LRRTM4: variants seen among roughly 807,000 people sequenced by gnomAD.
The protein encoded by LRRTM4 is leucine rich repeat transmembrane neuronal 4.
Under a neutral mutation model 47.6 loss-of-function variants are expected in LRRTM4, and 25 were observed. That is an observed-to-expected ratio of 0.53 (90% confidence interval 0.38 to 0.73). The LOEUF is 0.73. LRRTM4 is among the 30% of genes least tolerant of loss of function. The probability of loss-of-function intolerance (pLI) is 0.00; values close to 1 mark genes in which losing one functional copy is unlikely to be tolerated. For missense variants in LRRTM4, 638 were observed against 713.4 expected (o/e 0.89, Z 1.20); for synonymous variants, 311 against 269.5 (o/e 1.15, Z -1.51).
At chr2:77,084,549 T>C (rs1680645051) in intron 3 of LRRTM4, among the ~76,000 whole-genome samples, 1 of 152,208 alleles carries the variant, frequency 6.6e-6, no homozygotes, top group African/African-American at 2.4e-5. Flanking sequence ...GTTGACTAGT[T>C]TATGCATGTT....
At chr2:76,797,261 G>C (rs1240580068) in intron 3 of LRRTM4, among the ~76,000 whole-genome samples, 3 of 152,018 alleles carry the variant, frequency 2.0e-5, no homozygotes, top group Non-Finnish European at 2.9e-5. Context: ...ACAAACAGCG[G>C]ATCTCTCAGC....
intron 3 of LRRTM4, among the ~76,000 whole-genome samples, chr2:77,000,688 G>T (rs1677387924): frequency 6.6e-6 from 1 of 152,142 alleles, no homozygotes. Context: ...GTTTGTTCTG[G>T]AAACTTATAG....
At chr2:77,011,039 C>G (rs1291269961) in intron 3 of LRRTM4, among the ~76,000 whole-genome samples, 1 of 151,932 alleles carries the variant, frequency 6.6e-6, no homozygotes, top group Non-Finnish European at 1.5e-5. Flanking sequence ...TTTGATCAGA[C>G]AGTCAGAAGT....
chr2:76,797,693 C>T (rs1393390055), intron 3 of LRRTM4, among the ~76,000 whole-genome samples: 7 of 151,058 alleles, frequency 4.6e-5, no homozygotes, highest in Admixed American at 3.3e-4. Flanking sequence ...GAGTCAAGAC[C>T]CATCAGTGTG....
intron 3 of LRRTM4, among the ~76,000 whole-genome samples, chr2:77,325,593 T>C (rs1333843029): frequency 2.0e-5 from 3 of 152,190 alleles, no homozygotes; most frequent in Non-Finnish European, 4.4e-5. Flanking sequence ...GTGAGCCATT[T>C]GCTAACACAA....
chr2:76,897,208 C>T (rs1285908039), intron 3 of LRRTM4, among the ~76,000 whole-genome samples: 2 of 152,048 alleles, frequency 1.3e-5, no homozygotes, highest in Non-Finnish European at 2.9e-5. Context: ...GAGTAGGCAG[C>T]GTCAATAATG....
intron 3 of LRRTM4, among the ~76,000 whole-genome samples, chr2:77,140,888 C>A (rs904714950): frequency 5.9e-5 from 9 of 152,218 alleles, no homozygotes; most frequent in South Asian, 2.1e-4. Flanking sequence ...TCATCACTGG[C>A]CATCAGAGAA....
chr2:77,106,163 A>C (rs1331788205), intron 3 of LRRTM4, among the ~76,000 whole-genome samples: 1 of 152,166 alleles, frequency 6.6e-6, no homozygotes, highest in Non-Finnish European at 1.5e-5. Context: ...TCTTAATTTA[A>C]ACAAATTTTG....
intron 3 of LRRTM4, among the ~76,000 whole-genome samples, chr2:77,013,428 C>A (rs1677946001): frequency 6.6e-6 from 1 of 151,872 alleles, no homozygotes; most frequent in African/African-American, 2.4e-5. Context: ...GGGAAAATCG[C>A]CTTGTAATGA....
At chr2:77,176,990 T>C (rs1213680582) in intron 3 of LRRTM4, among the ~76,000 whole-genome samples, 1 of 152,110 alleles carries the variant, frequency 6.6e-6, no homozygotes, top group Non-Finnish European at 1.5e-5. Flanking sequence ...TTATCACATA[T>C]GGTCTGAAAA....
At chr2:77,015,320 T>A (rs1053918302) in intron 3 of LRRTM4, among the ~76,000 whole-genome samples, 4 of 152,140 alleles carry the variant, frequency 2.6e-5, no homozygotes, top group Admixed American at 1.3e-4. Context: ...TGGAGGAAGT[T>A]GTACTTTATT....
chr2:77,047,853 C>A (rs960930223), intron 3 of LRRTM4, among the ~76,000 whole-genome samples: 5 of 152,064 alleles, frequency 3.3e-5, no homozygotes, highest in African/African-American at 1.2e-4. Context: ...TTATGAACTT[C>A]AGCATTACTG....
chr2:77,347,275 C>T (rs1007011764), intron 3 of LRRTM4, among the ~76,000 whole-genome samples: 2 of 152,238 alleles, frequency 1.3e-5, no homozygotes, highest in Admixed American at 1.3e-4. Flanking sequence ...TTTTCAATAT[C>T]CCTTGTCATT....
chr2:77,155,170 T>C (rs1185639595), intron 3 of LRRTM4, among the ~76,000 whole-genome samples: 5 of 152,168 alleles, frequency 3.3e-5, no homozygotes, highest in African/African-American at 1.2e-4. Flanking sequence ...TTAAATACAG[T>C]GAAAGAGAAT....
At chr2:77,106,510 G>C (rs1445359999) in intron 3 of LRRTM4, among the ~76,000 whole-genome samples, 1 of 151,882 alleles carries the variant, frequency 6.6e-6, no homozygotes, top group Non-Finnish European at 1.5e-5. Flanking sequence ...ATCTTTGAGG[G>C]ATAGAAATAC....
At chr2:77,047,988 G>A (rs2103761141) in intron 3 of LRRTM4, among the ~76,000 whole-genome samples, 1 of 151,988 alleles carries the variant, frequency 6.6e-6, no homozygotes, top group East Asian at 1.9e-4. Flanking sequence ...TTGTGTTTTT[G>A]TTAAATAAGG....
At chr2:76,884,560 T>C (rs1024739253) in intron 3 of LRRTM4, among the ~76,000 whole-genome samples, 6 of 152,102 alleles carry the variant, frequency 3.9e-5, no homozygotes, top group Non-Finnish European at 5.9e-5. Context: ...AAATAGAATA[T>C]AGAATGTAAA....
intron 3 of LRRTM4, among the ~76,000 whole-genome samples, chr2:77,055,633 G>T (rs143632519): frequency 0.059 from 8,926 of 152,150 alleles, 341 homozygotes; most frequent in Middle Eastern, 0.15. Context: ...TCAGTGTGGC[G>T]ATTCCTCAGG....
chr2:77,389,756 A>C (rs1673425767), intron 3 of LRRTM4, among the ~76,000 whole-genome samples: 6 of 152,036 alleles, frequency 3.9e-5, no homozygotes. Flanking sequence ...AAGCAGGAAA[A>C]GTTAATATAA....
Sources: gnomAD v4.1 joint callset for allele counts (sites outside exome capture counted in the v4.1 genomes callset) on GRCh38, gnomAD v4.1.1 for gene constraint, MANE v1.5 for transcripts, NCBI Gene and HGNC (gene_info 2026-07-23, HGNC 2026-07-21) for gene names.